The following CENPW variants were observed in gnomAD, a reference collection of about 807,000 sequenced individuals.
CENPW encodes the protein centromere protein W, also known as cancer-up-regulated gene 2 protein.
A neutral mutation model predicts 11.1 loss-of-function variants in CENPW; 3 were observed. The observed-to-expected ratio is 0.27, with a 90% CI of 0.12 to 0.70. CENPW has a LOEUF of 0.70. CENPW is among the 30% of genes least tolerant of loss of function. The pLI, the probability that CENPW is intolerant of heterozygous loss-of-function variation, is 0.77. For missense variants in CENPW, 100 were observed against 105.6 expected (o/e 0.95, Z 0.23); for synonymous variants, 38 against 42.0 (o/e 0.91, Z 0.37).
chr6:126,409,663 G>T, the CENPW span, among the ~76,000 whole-genome samples: 1 of 151,832 alleles, frequency 6.6e-6, no homozygotes, highest in African/African-American at 2.4e-5. Flanking sequence ...ATTATATAAT[G>T]ATCTTTTAGT....
chr6:126,477,026 A>C, the CENPW span, among the ~76,000 whole-genome samples: 1 of 152,040 alleles, frequency 6.6e-6, no homozygotes, highest in African/African-American at 2.4e-5. Flanking sequence ...ATCTAAGTTT[A>C]TTAGAGAAAT....
the CENPW span, among the ~76,000 whole-genome samples, chr6:126,444,176 T>A: frequency 6.7e-6 from 1 of 150,136 alleles, no homozygotes; most frequent in Non-Finnish European, 1.5e-5. Context: ...CTTCTGGTTA[T>A]TTTTTTTCTA....
the CENPW span, among the ~76,000 whole-genome samples, chr6:126,359,233 A>T: frequency 1.3e-5 from 2 of 152,090 alleles, no homozygotes; most frequent in Non-Finnish European, 2.9e-5. Context: ...TGGAATTTCA[A>T]GATATCTTGA....
the CENPW span, among the ~76,000 whole-genome samples, chr6:126,417,108 G>T: frequency 5.3e-5 from 8 of 152,228 alleles, no homozygotes; most frequent in Non-Finnish European, 1.2e-4. Context: ...CCCACCTCCT[G>T]CATCAGTGTG....
chr6:126,467,316 TAGAG>T, the CENPW span, among the ~76,000 whole-genome samples: 3 of 151,962 alleles, frequency 2.0e-5, no homozygotes, highest in Admixed American at 2.0e-4. Flanking sequence ...TGGAACAGAA[TAGAG>T]AGCCCAAAAA....
the CENPW span, among the ~76,000 whole-genome samples, chr6:126,449,080 A>G: frequency 6.6e-6 from 1 of 151,042 alleles, no homozygotes; most frequent in Non-Finnish European, 1.5e-5. Context: ...TAATACAAAT[A>G]TTTACTTCAC....
chr6:126,376,805 G>A, the CENPW span, among the ~76,000 whole-genome samples: 2 of 152,174 alleles, frequency 1.3e-5, no homozygotes, highest in Non-Finnish European at 2.9e-5. Context: ...GGTGAATAAT[G>A]TGCCATTGAT....
chr6:126,377,175 C>G, the CENPW span, among the ~76,000 whole-genome samples: 1 of 152,088 alleles, frequency 6.6e-6, no homozygotes, highest in Admixed American at 6.6e-5. Flanking sequence ...CACTGGGTAT[C>G]AAATTTATAC....
downstream of CENPW, among the ~76,000 whole-genome samples, chr6:126,349,929 C>G (rs1780472076): frequency 6.6e-6 from 1 of 152,048 alleles, no homozygotes; most frequent in South Asian, 2.1e-4. Context: ...TAGCACACTG[C>G]AGCCTCAAAC....
chr6:126,340,348 C>G lies in CENPW; in HGVS notation c.75C>G (p.Val25=), dbSNP rs1409102194. 1 of 1,614,134 alleles carries G rather than the reference C, an allele frequency of 6.2e-7. No homozygotes were observed. The highest frequency in any genetic ancestry group is 8.5e-7 in the Non-Finnish European group (1 of 1,180,010). ...CTCCCCGTGGCTTTCTAAAGCGAGT[C>G]TTCAAGCGAAAGAAGCCTCAACTTC... ...RKAPRGFLKR[V]FKRKKPQLRL... is the part of the protein sequence containing the mutation. The change falls in exon 1 of 3, where the codon GTC becomes GTG. Residue 25 remains valine (V), a synonymous_variant. Transcript: ENST00000368328.
chr6:126,473,407 CT>C, the CENPW span, among the ~76,000 whole-genome samples: 3 of 151,946 alleles, frequency 2.0e-5, no homozygotes, highest in Non-Finnish European at 2.9e-5. Flanking sequence ...TTTATCTTAA[CT>C]TTTTTCCTCT....
At chr6:126,416,650 C>T in the CENPW span, among the ~76,000 whole-genome samples, 2 of 152,040 alleles carry the variant, frequency 1.3e-5, no homozygotes, top group Non-Finnish European at 2.9e-5. Flanking sequence ...TGAAAGGGGC[C>T]AATGTAGAGG....
the CENPW span, among the ~76,000 whole-genome samples, chr6:126,481,535 T>C: frequency 6.6e-6 from 1 of 152,006 alleles, no homozygotes; most frequent in East Asian, 1.9e-4. Context: ...GAATGAGAGC[T>C]GAACTTCATC....
intron 2 of CENPW, among the ~76,000 whole-genome samples, chr6:126,347,978 G>A (rs1418585909): frequency 6.6e-6 from 1 of 151,788 alleles, no homozygotes; most frequent in Non-Finnish European, 1.5e-5. Flanking sequence ...TATAATTCCA[G>A]TCCAACTATA....
rs1583950825 is a variant in CENPW at position 126,340,124 on chromosome 6, G to A, written c.-150G>A. 1 of 746,722 alleles carries A rather than the reference G, an allele frequency of 1.3e-6. No individual in the cohort carries two copies. The highest frequency in any genetic ancestry group is 2.5e-5 in the East Asian group (1 of 39,974). The allele number at this position is 746,722 out of a possible 1,614,324, so 46.3% of individuals were successfully genotyped here. On this transcript the variant is annotated 5_prime_UTR_variant, in exon 1 of 3. Coordinates refer to ENST00000368328, the MANE Select transcript of CENPW (RefSeq NM_001012507.4). ...ACTGAGCGCCGGGCGCGTTCCGTTGGCGGCGGATTCGAACGTTCGGACTGA... is the reference window on the plus strand; with the variant it reads ...ACTGAGCGCCGGGCGCGTTCCGTTGACGGCGGATTCGAACGTTCGGACTGA...
chr6:126,402,796 A>G, the CENPW span, among the ~76,000 whole-genome samples: 3 of 151,880 alleles, frequency 2.0e-5, no homozygotes, highest in Non-Finnish European at 2.9e-5. Context: ...TTTGACTATT[A>G]TTAATAATGC....
At chr6:126,423,029 G>T in the CENPW span, among the ~76,000 whole-genome samples, 2 of 152,048 alleles carry the variant, frequency 1.3e-5, no homozygotes, top group East Asian at 1.9e-4. Context: ...GAAGTGTTTT[G>T]TCACCATTTT....
At chr6:126,396,872 G>A in the CENPW span, among the ~76,000 whole-genome samples, 1 of 151,950 alleles carries the variant, frequency 6.6e-6, no homozygotes, top group Admixed American at 6.6e-5. Flanking sequence ...CTATAATGGG[G>A]TCCTCATGAG....
chr6:126,361,360 C>T, the CENPW span, among the ~76,000 whole-genome samples: 2 of 151,946 alleles, frequency 1.3e-5, no homozygotes. Context: ...AGTGCAGTGG[C>T]GCAGTCCCGG....
Sources: gnomAD v4.1 joint callset for allele counts (sites outside exome capture counted in the v4.1 genomes callset) on GRCh38, gnomAD v4.1.1 for gene constraint, MANE v1.5 for transcripts, NCBI Gene and HGNC (gene_info 2026-07-23, HGNC 2026-07-21) for gene names.